Variants in MORN1 observed in about 807,000 individuals in gnomAD.
MORN1 encodes MORN repeat containing 1.
MORN1 carries 67 observed loss-of-function variants against 61.9 expected under a neutral mutation model. That is an observed-to-expected ratio of 1.08 (90% confidence interval 0.89 to 1.33). The LOEUF is 1.33. Ranked by LOEUF, MORN1 falls within the 40% of genes most tolerant of loss-of-function variation. The pLI is 0.00. For synonymous variants in MORN1, 301 were observed against 292.0 expected, an observed-to-expected ratio of 1.03 and a Z score of -0.31; for missense variants, 752 against 691.2, an observed-to-expected ratio of 1.09 and a Z score of -0.99.
At chr1:2,385,696 A>AG in intron 5 of MORN1, 111 bp downstream of exon 5, 1 of 950,706 alleles carries the variant, frequency 1.1e-6, no homozygotes, top group Admixed American at 1.9e-5. Context: ...GGGCCGGAAC[A>AG]GGCCCGGGGT....
chr1:2,354,570 G>T (rs781146969), intron 10 of MORN1, among the ~76,000 whole-genome samples: 8 of 152,096 alleles, frequency 5.3e-5, no homozygotes, highest in Non-Finnish European at 1.0e-4. Flanking sequence ...AGAAGCCTAC[G>T]GGAGTGCCCC....
intron 13 of MORN1, chr1:2,321,904 T>C: frequency 1.6e-6 from 1 of 625,038 alleles, no homozygotes; most frequent in Non-Finnish European, 2.0e-6. Context: ...GTGGCCGCTC[T>C]CAAGCCCCCA....
At position 2,337,516 on chromosome 1, in the gene MORN1, A is replaced by G. The variant is rs1416438903; in HGVS notation, c.1037-666T>C. Among the ~76,000 whole-genome samples, 2 of 152,202 alleles carry G rather than the reference A, an allele frequency of 1.3e-5. No homozygotes were observed. Among genetic ancestry groups the G allele is most frequent in the East Asian group, 3.9e-4 (2 of 5,176 alleles). On this transcript the variant is annotated intron_variant, in intron 10 of 13. Coordinates refer to ENST00000378531, the MANE Select transcript of MORN1 (RefSeq NM_024848.3). The surrounding 1 kb of genome is among the most constrained non-coding windows in gnomAD (Gnocchi z 5.7). ...CTCCCGGGGTCCCAGGGTGCGAGGT[A>G]TGGGGGCTCCCCTCTGGCTTCCCCC...
intron 10 of MORN1, among the ~76,000 whole-genome samples, chr1:2,342,176 G>A (rs772980809): frequency 6.6e-6 from 1 of 152,278 alleles, no homozygotes; most frequent in Admixed American, 6.5e-5. Context: ...AGCCCGGGAC[G>A]GGATCGGGCA....
chr1:2,381,410 A>G (rs1276002836), intron 6 of MORN1, among the ~76,000 whole-genome samples: 1 of 152,152 alleles, frequency 6.6e-6, no homozygotes, highest in Non-Finnish European at 1.5e-5. Flanking sequence ...AGGCCAGGGG[A>G]CTGCTGCCAC....
chr1:2,360,671 C>T (rs1036554397), intron 8 of MORN1, among the ~76,000 whole-genome samples: 5 of 151,566 alleles, frequency 3.3e-5, no homozygotes, highest in South Asian at 2.1e-4. Context: ...CCCTGCAGCC[C>T]GCAGGAGGCC....
At chr1:2,335,827 A>G (rs962926338) in intron 12 of MORN1, among the ~76,000 whole-genome samples, 1 of 136,258 alleles carries the variant, frequency 7.3e-6, no homozygotes, top group South Asian at 2.1e-4. Flanking sequence ...CCTCGCCTCC[A>G]TAGCCCAGCC....
At position 2,385,820 on chromosome 1, in the gene MORN1, G is replaced by A. The variant is rs1468280383; in HGVS notation, c.436C>T (p.Gln146Ter). Reference protein sequence around the residue: ...FHDNKRHGPGQMLFQNGDKYD... With the variant: ...FHDNKRHGPG ...ACTCATACTCACTGAAAGAGCATCT[G>A]CCCAGGGCCGTGCCTCTTGTTGTCA... The change falls in exon 5 of 14, where the codon CAG becomes TAG. Residue 146 changes from glutamine (Q) to a stop codon, truncating the protein, a stop_gained. Transcript: ENST00000378531. LOFTEE classifies it high-confidence loss of function. The A allele has an allele frequency of 1.2e-6, 2 of 1,613,708 alleles. No homozygotes were observed. Among genetic ancestry groups the A allele is most frequent in the Non-Finnish European group, 1.7e-6 (2 of 1,179,932 alleles).
At chr1:2,347,795 G>A (rs901703599) in intron 10 of MORN1, among the ~76,000 whole-genome samples, 3 of 152,218 alleles carry the variant, frequency 2.0e-5, no homozygotes, top group African/African-American at 7.2e-5. Context: ...GCCACCCTGC[G>A]TGCCGGGTGC....
At chr1:2,336,986 G>A (rs1320622819) in intron 10 of MORN1, 136 bp from the exon 11 acceptor site, 2 of 1,036,864 alleles carry the variant, frequency 1.9e-6, no homozygotes. Context: ...ATCTTGGTGG[G>A]GGCAGGTCAG....
chr1:2,331,526 C>G (rs1172264501), intron 12 of MORN1, among the ~76,000 whole-genome samples: 1 of 152,182 alleles, frequency 6.6e-6, no homozygotes, highest in Non-Finnish European at 1.5e-5. Context: ...ACATGGGTGA[C>G]CAAGCCCTGG....
chr1:2,374,440 C>G (rs778149976), intron 7 of MORN1, 21 bp downstream of exon 7: 2 of 1,562,212 alleles, frequency 1.3e-6, no homozygotes, highest in Non-Finnish European at 8.7e-7. Context: ...ACAGTGCCCA[C>G]AGGAAGGCAG....
In MORN1 at chr1:2,374,492, A is replaced by C; in HGVS notation, c.603T>G (p.Tyr201Ter). 6.2e-7 allele frequency: 1 copy of C among 1,603,210 alleles called. No individual in the cohort carries two copies. Among genetic ancestry groups the C allele is most frequent in the Non-Finnish European group, 8.5e-7 (1 of 1,175,578 alleles). The change falls in exon 7 of 14, where the codon TAT becomes TAG. Residue 201 changes from tyrosine (Y) to a stop codon, truncating the protein, a stop_gained. Transcript: ENST00000378531. LOFTEE classifies it high-confidence loss of function. ...GGTGGCCATTGATCCACAACCCATA[A>C]TAGGTGACCCCTGAGCAGTGGGCCA... is the stretch of plus-strand genomic sequence containing the variant. ...GSMAHCSGVT[Y>*]YGLWINGHPA... is the part of the protein sequence containing the mutation.
At chr1:2,328,664 C>T (rs1641085426) in intron 12 of MORN1, among the ~76,000 whole-genome samples, 2 of 152,170 alleles carry the variant, frequency 1.3e-5, no homozygotes, top group African/African-American at 2.4e-5. Context: ...GATCTGGGGC[C>T]AGCTTGGAAA....
At chr1:2,322,536 G>A in intron 13 of MORN1, 1 of 985,202 alleles carries the variant, frequency 1.0e-6, no homozygotes, top group Non-Finnish European at 1.2e-6. Context: ...AATGTGCTTG[G>A]CCCCGAGTCA....
chr1:2,321,705 T>C, intron 13 of MORN1, 126 bp from the exon 14 acceptor site: 1 of 1,261,630 alleles, frequency 7.9e-7, no homozygotes. Flanking sequence ...CATCTCTGCC[T>C]GGGTTCTGGG....
At position 2,321,524 on chromosome 1, in the gene MORN1, C is replaced by A. The variant is rs866461750; in HGVS notation, c.1353G>T (p.Arg451Ser). 1 of 1,536,566 alleles carries A rather than the reference C, an allele frequency of 6.5e-7. No individual in the cohort carries two copies. The highest frequency in any genetic ancestry group is 1.2e-5 in the South Asian group (1 of 82,128). ...GCAGGTGTTTGAAGGCCGGGGGCAGCCTGCGCCCCAGGAACGGCGGGGTGG... is the reference window on the plus strand; with the variant it reads ...GCAGGTGTTTGAAGGCCGGGGGCAGACTGCGCCCCAGGAACGGCGGGGTGG... ...DVTTPPFLGR[R>S]LPPAFKHLRV... Residue 451 changes from arginine to serine, a missense_variant, in exon 14 of 14, where the codon AGG becomes AGT. Arg to Ser is a moderately radical substitution (Grantham distance 110). Transcript: ENST00000378531.
chr1:2,325,593 C>T (rs972091363), intron 12 of MORN1, among the ~76,000 whole-genome samples: 3 of 151,204 alleles, frequency 2.0e-5, no homozygotes, highest in African/African-American at 4.9e-5. Context: ...GAGAATCCTT[C>T]CACCTCCGCC....
rs1217586525 is a variant in MORN1 at position 2,337,785 on chromosome 1, C to T, written c.1037-935G>A. Among the ~76,000 whole-genome samples, 8 of 152,062 alleles carry T rather than the reference C, an allele frequency of 5.3e-5. No homozygotes were observed. Among genetic ancestry groups the T allele is most frequent in the East Asian group, 3.9e-4 (2 of 5,172 alleles). On this transcript the variant is annotated intron_variant, in intron 10 of 13. Coordinates refer to ENST00000378531, the MANE Select transcript of MORN1 (RefSeq NM_024848.3). This position sits in a 1 kb window ranked among gnomAD's most constrained non-coding sequence, Gnocchi z 5.7. The stretch of plus-strand genomic sequence containing the variant: ...ACGGGATGTGGTGAGGGCTGGAGGT[C>T]GGCACCAGAGCTGGCTGGACAGGGG...
Sources: allele counts gnomAD v4.1 joint callset (sites outside exome capture counted in the v4.1 genomes callset), GRCh38; gene constraint gnomAD v4.1.1; non-coding constraint Gnocchi (gnomAD v3.1); transcripts MANE v1.5; gene names NCBI Gene and HGNC (gene_info 2026-07-23, HGNC 2026-07-21).